Variants in MAN2A1 observed in about 807,000 individuals in gnomAD.
MAN2A1 encodes the protein mannosidase alpha class 2A member 1.
MAN2A1 carries 76 observed loss-of-function variants against 142.6 expected under a neutral mutation model. The observed-to-expected ratio is 0.53, with a 90% CI of 0.44 to 0.65. The LOEUF (loss-of-function observed/expected upper bound fraction) is 0.65, where lower values mean the gene tolerates loss of function less well. MAN2A1 is among the 30% of genes least tolerant of loss of function. MAN2A1 has a pLI of 0.00. For missense variants in MAN2A1, 1,311 were observed against 1,365.1 expected, an observed-to-expected ratio of 0.96 and a Z score of 0.62; for synonymous variants, 559 against 473.2, an observed-to-expected ratio of 1.18 and a Z score of -2.35.
At chr5:109,722,588 G>A (rs952993979) in intron 3 of MAN2A1, among the ~76,000 whole-genome samples, 2 of 151,936 alleles carry the variant, frequency 1.3e-5, no homozygotes, top group African/African-American at 4.8e-5. Flanking sequence ...CTATTTTTTT[G>A]TATTTTTAGT....
At chr5:109,756,574 C>T (rs1337451401) in intron 5 of MAN2A1, among the ~76,000 whole-genome samples, 28 of 152,108 alleles carry the variant, frequency 1.8e-4, no homozygotes, top group Admixed American at 1.7e-3. Context: ...AAACCCTTCA[C>T]CCAGATTTAC....
chr5:109,772,325 C>G (rs1433259372), intron 7 of MAN2A1, among the ~76,000 whole-genome samples: 1 of 152,154 alleles, frequency 6.6e-6, no homozygotes, highest in African/African-American at 2.4e-5. Context: ...GCCGAGATCT[C>G]TCCACTGCAC....
At chr5:109,836,867 G>A (rs11744713) in intron 16 of MAN2A1, among the ~76,000 whole-genome samples, 12,705 of 151,944 alleles carry the variant, frequency 0.084, 622 homozygotes, top group African/African-American at 0.15. Context: ...TGCACCACAC[G>A]GTCTTACAAC....
chr5:109,850,867 G>T (rs1356904065), intron 19 of MAN2A1, among the ~76,000 whole-genome samples: 1 of 151,892 alleles, frequency 6.6e-6, no homozygotes, highest in Non-Finnish European at 1.5e-5. Flanking sequence ...TTCAATTAAT[G>T]GTTTCTTTTA....
At chr5:109,725,689 A>G (rs967853341) in intron 3 of MAN2A1, among the ~76,000 whole-genome samples, 41 of 152,192 alleles carry the variant, frequency 2.7e-4, no homozygotes, top group Non-Finnish European at 5.4e-4. Context: ...CCACATCCTC[A>G]TGGTGGTACT....
intron 19 of MAN2A1, chr5:109,854,521 A>T (rs1366561854): frequency 6.6e-6 from 1 of 152,200 alleles, no homozygotes; most frequent in African/African-American, 2.4e-5. Flanking sequence ...ATGATTTACC[A>T]AGTTGAAAGA....
chr5:109,805,342 A>G (rs1003608807), intron 12 of MAN2A1, among the ~76,000 whole-genome samples: 1 of 152,234 alleles, frequency 6.6e-6, no homozygotes, highest in Non-Finnish European at 1.5e-5. Flanking sequence ...TTTTCTTTAC[A>G]AAAATTGTAA....
At chr5:109,690,723 G>T (rs977867829) in intron 1 of MAN2A1, among the ~76,000 whole-genome samples, 171 bp downstream of exon 1, 1 of 152,130 alleles carries the variant, frequency 6.6e-6, no homozygotes, top group Non-Finnish European at 1.5e-5. Flanking sequence ...GAGCCACCTC[G>T]CCCGGGCGCG....
chr5:109,780,033 T>TTA (rs1753411588), intron 8 of MAN2A1, among the ~76,000 whole-genome samples: 1 of 152,114 alleles, frequency 6.6e-6, no homozygotes, highest in Admixed American at 6.5e-5. Flanking sequence ...ATTTATACCA[T>TTA]TATTGGCCAG....
At chr5:109,848,385 C>T (rs1324790366) in intron 19 of MAN2A1, among the ~76,000 whole-genome samples, 1 of 152,134 alleles carries the variant, frequency 6.6e-6, no homozygotes, top group African/African-American at 2.4e-5. Context: ...AGTTATTGAT[C>T]CACCCACCTT....
intron 10 of MAN2A1, among the ~76,000 whole-genome samples, chr5:109,788,177 A>T (rs961663): frequency 0.17 from 26,246 of 150,458 alleles, 3,230 homozygotes; most frequent in East Asian, 0.64. Context: ...TTGCCTATGG[A>T]TGCCTGGTCT....
chr5:109,850,709 T>C (rs1755461694), intron 19 of MAN2A1, among the ~76,000 whole-genome samples: 1 of 152,216 alleles, frequency 6.6e-6, no homozygotes, highest in Non-Finnish European at 1.5e-5. Context: ...ATAAAAATTT[T>C]CACATCAAAT....
chr5:109,858,344 A>G (rs374382517), intron 20 of MAN2A1, among the ~76,000 whole-genome samples: 96 of 152,324 alleles, frequency 6.3e-4, no homozygotes, highest in African/African-American at 2.2e-3. Context: ...CCCTAACCTG[A>G]TAATAGAAGG....
At chr5:109,780,142 C>T (rs989147309) in intron 8 of MAN2A1, among the ~76,000 whole-genome samples, 6 of 152,120 alleles carry the variant, frequency 3.9e-5, no homozygotes, top group Admixed American at 1.3e-4. Flanking sequence ...ACTGCAAGGT[C>T]GGCCTCCTGG....
intron 16 of MAN2A1, among the ~76,000 whole-genome samples, chr5:109,833,563 G>C (rs938610826): frequency 6.6e-6 from 1 of 152,014 alleles, no homozygotes; most frequent in Non-Finnish European, 1.5e-5. Flanking sequence ...CCAGGCACTC[G>C]GCAGGCTGAA....
chr5:109,800,322 G>A (rs1182496835), intron 12 of MAN2A1, among the ~76,000 whole-genome samples: 2 of 152,140 alleles, frequency 1.3e-5, no homozygotes, highest in Non-Finnish European at 2.9e-5. Flanking sequence ...CTAAATGCCT[G>A]CGTAATAGTC....
intron 1 of MAN2A1, among the ~76,000 whole-genome samples, chr5:109,697,278 T>C (rs1005524505): frequency 3.3e-5 from 5 of 152,256 alleles, no homozygotes; most frequent in African/African-American, 1.2e-4. Flanking sequence ...GGTTACAACA[T>C]TTTAAATATC....
chr5:109,864,730 A>G (rs1318559929), intron 20 of MAN2A1: 1 of 239,762 alleles, frequency 4.2e-6, no homozygotes, highest in East Asian at 8.3e-5. Context: ...ATAAACTTTA[A>G]TAAAACAATA....
At chr5:109,734,840 A>G (rs956500069) in intron 4 of MAN2A1, among the ~76,000 whole-genome samples, 16 of 152,140 alleles carry the variant, frequency 1.1e-4, no homozygotes, top group African/African-American at 2.7e-4. Context: ...AAAAAAATGT[A>G]TATTCTGTTG....
Sources: gnomAD v4.1 joint callset for allele counts (sites outside exome capture counted in the v4.1 genomes callset) on GRCh38, gnomAD v4.1.1 for gene constraint, MANE v1.5 for transcripts, NCBI Gene and HGNC (gene_info 2026-07-23, HGNC 2026-07-21) for gene names.